The following CNTN4 variants were observed in gnomAD, a reference collection of about 807,000 sequenced individuals.
CNTN4 encodes contactin-4.
A neutral mutation model predicts 122.5 loss-of-function variants in CNTN4; 77 were observed. The ratio of observed to expected loss-of-function variants is 0.63; its 90% confidence interval spans 0.52 to 0.76. The LOEUF (loss-of-function observed/expected upper bound fraction) is 0.76, where lower values mean the gene tolerates loss of function less well. CNTN4 is among the 30% of genes least tolerant of loss of function. CNTN4 has a pLI of 0.00. For missense variants in CNTN4, 1,256 were observed against 1,259.1 expected (o/e 1.00, Z 0.04); for synonymous variants, 512 against 447.0 (o/e 1.15, Z -1.83).
intron 3 of CNTN4, among the ~76,000 whole-genome samples, chr3:2,388,938 A>C (rs1370264045): frequency 2.0e-5 from 3 of 151,978 alleles, no homozygotes; most frequent in East Asian, 3.9e-4. Context: ...TGGGTAGATC[A>C]CCTAAGGTCA....
Position 2,709,886 on chromosome 3 carries a change from C to A in CNTN4, c.56-26329C>A, listed in dbSNP as rs1016114694. ...CTGCACTCCAGCCTGGGTGACAGGGCAAGACCCTGTCTCAAACATATAAAT... is the reference window on the plus strand; with the variant it reads ...CTGCACTCCAGCCTGGGTGACAGGGAAAGACCCTGTCTCAAACATATAAAT... On this transcript the variant is annotated intron_variant, in intron 4 of 24. Coordinates refer to ENST00000418658, the MANE Select transcript of CNTN4 (RefSeq NM_175607.3). The surrounding 1 kb of genome is among the most constrained non-coding windows in gnomAD (Gnocchi z 5.0). Among the ~76,000 whole-genome samples, 1 of 151,758 alleles carries A rather than the reference C, an allele frequency of 6.6e-6. No homozygotes were observed. The highest frequency in any genetic ancestry group is 1.5e-5 in the Non-Finnish European group (1 of 67,960).
chr3:2,192,542 CA>C (rs1553599515), intron 2 of CNTN4, among the ~76,000 whole-genome samples: 1 of 152,084 alleles, frequency 6.6e-6, no homozygotes, highest in Non-Finnish European at 1.5e-5. Flanking sequence ...ACTCATCTGA[CA>C]AAGGGCTAAT....
chr3:2,546,485 G>C (rs182163714), intron 3 of CNTN4, among the ~76,000 whole-genome samples: 1 of 151,982 alleles, frequency 6.6e-6, no homozygotes, highest in South Asian at 2.1e-4. Flanking sequence ...ATAGGCACTG[G>C]GGCCTCCTTG....
chr3:2,142,357 C>CT lies in CNTN4; in HGVS notation c.-145+41727dup, dbSNP rs943136964. ...CTGACTTTTTGATATTCTTTCTTTC[C>CT]TTTTTTTTTCTTTCTTTTTTTTTTA... On this transcript the variant is annotated intron_variant, in intron 2 of 24. Coordinates refer to ENST00000418658, the MANE Select transcript of CNTN4 (RefSeq NM_175607.3). Among the ~76,000 whole-genome samples the CT allele has an allele frequency of 1.7e-4, 26 of 150,494 alleles. 1 individual carries two copies. The highest frequency in any genetic ancestry group is 4.4e-4 in the African/African-American group (18 of 40,920).
intron 3 of CNTN4, among the ~76,000 whole-genome samples, chr3:2,374,466 T>C (rs890412575): frequency 2.0e-5 from 3 of 152,216 alleles, no homozygotes; most frequent in Non-Finnish European, 4.4e-5. Context: ...TTAGATTGCT[T>C]GAGTATGATC....
intron 3 of CNTN4, among the ~76,000 whole-genome samples, chr3:2,411,989 A>G (rs971211708): frequency 6.6e-6 from 1 of 152,132 alleles, no homozygotes; most frequent in Admixed American, 6.5e-5. Flanking sequence ...TACCTCTTCT[A>G]TCCTGAGGTA....
intron 2 of CNTN4, among the ~76,000 whole-genome samples, chr3:2,165,368 T>C (rs2036151533): frequency 6.6e-6 from 1 of 151,904 alleles, no homozygotes; most frequent in Non-Finnish European, 1.5e-5. Context: ...TGAGATTTTC[T>C]TTCCCCAGCT....
At chr3:2,506,517 G>C (rs1203946338) in intron 3 of CNTN4, among the ~76,000 whole-genome samples, 3 of 152,226 alleles carry the variant, frequency 2.0e-5, no homozygotes, top group African/African-American at 7.2e-5. Flanking sequence ...AATTTAAATT[G>C]ATGGTGAGTT....
chr3:2,875,554 T>C (rs549111457), intron 8 of CNTN4, among the ~76,000 whole-genome samples: 2 of 152,342 alleles, frequency 1.3e-5, no homozygotes, highest in African/African-American at 4.8e-5. Flanking sequence ...GTTTACCTTA[T>C]GGCCATGGCT....
In CNTN4 at chr3:2,797,776, T is replaced by C. The variant is rs546189510; in HGVS notation, c.359-21710T>C. On this transcript the variant is annotated intron_variant, in intron 6 of 24. Coordinates refer to ENST00000418658, the MANE Select transcript of CNTN4 (RefSeq NM_175607.3). ...AAAATATTTGTAAGGCATTCCTGTT[T>C]AGTAAGATTATTCTGTGGAAGACAA... Among the ~76,000 whole-genome samples, 72 of 152,316 alleles carry C rather than the reference T, an allele frequency of 4.7e-4. 1 individual carries two copies. The highest frequency in any genetic ancestry group is 1.7e-3 in the African/African-American group (71 of 41,578).
rs539043569 is a variant in CNTN4, at chr3:2,934,346, G to T, written c.1358+8567G>T. Among the ~76,000 whole-genome samples the T allele has an allele frequency of 3.3e-5, 5 of 152,320 alleles. No individual in the cohort carries two copies. The East Asian group carries it at 9.6e-4, about 29-fold the overall frequency. On this transcript the variant is annotated intron_variant, in intron 13 of 24. Transcript: ENST00000418658. ...TCATGTGTCTTGTCTATAGACACTG[G>T]TATCTGCCTCCAAAGTGAAATTGGA...
intron 12 of CNTN4, among the ~76,000 whole-genome samples, chr3:2,907,923 G>A (rs1025368738): frequency 4.6e-5 from 7 of 152,206 alleles, no homozygotes; most frequent in African/African-American, 1.7e-4. Context: ...ATATTGGTAG[G>A]CCTGGTTATG....
At chr3:2,875,518 T>A (rs892952904) in intron 8 of CNTN4, among the ~76,000 whole-genome samples, 3 of 152,172 alleles carry the variant, frequency 2.0e-5, no homozygotes, top group African/African-American at 7.2e-5. Flanking sequence ...AAATAAAGTT[T>A]TATTGGCACA....
rs566634639 is a variant in CNTN4 at position 2,373,187 on chromosome 3, A to C, written c.-89+33954A>C. Among the ~76,000 whole-genome samples the C allele has an allele frequency of 9.8e-5, 15 of 152,370 alleles. No individual in the cohort carries two copies. In the East Asian group the frequency reaches 2.9e-3, roughly 29 times the overall value. On this transcript the variant is annotated intron_variant, in intron 3 of 24. Transcript: ENST00000418658. ...AATCTCAAAGTTTCATCCAGTAATT[A>C]CAGATTCAGTGATGACTGTTGTTCT...
intron 3 of CNTN4, among the ~76,000 whole-genome samples, chr3:2,528,925 C>T (rs905019765): frequency 5.3e-5 from 8 of 152,072 alleles, no homozygotes; most frequent in African/African-American, 1.9e-4. Flanking sequence ...ATCCTGTCAC[C>T]TCAACATTCA....
At chr3:2,221,868 G>A (rs1208693578) in intron 2 of CNTN4, among the ~76,000 whole-genome samples, 1 of 152,036 alleles carries the variant, frequency 6.6e-6, no homozygotes, top group Admixed American at 6.6e-5. Context: ...TACTAGGATG[G>A]TTAAAATAAA....
chr3:2,384,761 C>CGTGT (rs67019083), intron 3 of CNTN4, among the ~76,000 whole-genome samples: 4,022 of 147,870 alleles, frequency 0.027, 126 homozygotes, highest in African/African-American at 0.072. Flanking sequence ...TCAATGTGTG[C>CGTGT]GTGTGTGTGT....
At chr3:2,536,494 G>GTTT (rs2077811658) in intron 3 of CNTN4, among the ~76,000 whole-genome samples, 1 of 151,972 alleles carries the variant, frequency 6.6e-6, no homozygotes, top group Non-Finnish European at 1.5e-5. Context: ...GTTTTCTCAA[G>GTTT]TATATATCAT....
chr3:2,475,627 A>T (rs1229345007), intron 3 of CNTN4, among the ~76,000 whole-genome samples: 3 of 152,072 alleles, frequency 2.0e-5, no homozygotes, highest in Non-Finnish European at 2.9e-5. Flanking sequence ...CTTTTTATTG[A>T]TGCTTATTTT....
Sources: allele counts gnomAD v4.1 joint callset (sites outside exome capture counted in the v4.1 genomes callset), GRCh38; gene constraint gnomAD v4.1.1; non-coding constraint Gnocchi (gnomAD v3.1); transcripts MANE v1.5; gene names NCBI Gene and HGNC (gene_info 2026-07-23, HGNC 2026-07-21).